SVIL: variants seen among roughly 807,000 people sequenced by gnomAD.
SVIL encodes supervillin.
A neutral mutation model predicts 240.4 loss-of-function variants in SVIL; 101 were observed. That is an observed-to-expected ratio of 0.42 (90% CI 0.36 to 0.50). SVIL has a LOEUF of 0.50. Ranked by LOEUF, SVIL falls within the 20% of genes least tolerant of loss-of-function variation. The probability of loss-of-function intolerance (pLI) is 0.01; values close to 1 mark genes in which losing one functional copy is unlikely to be tolerated. For synonymous variants in SVIL, 999 were observed against 1,100.0 expected, an observed-to-expected ratio of 0.91 and a Z score of 1.82; for missense variants, 2,512 against 2,818.7, an observed-to-expected ratio of 0.89 and a Z score of 2.46.
intron 2 of SVIL, among the ~76,000 whole-genome samples, chr10:29,668,500 G>A (rs1589481130): frequency 6.6e-6 from 1 of 152,228 alleles, no homozygotes; most frequent in East Asian, 1.9e-4. Flanking sequence ...TTGAGATGAA[G>A]TCTCACTCTG....
chr10:29,594,721 T>A (rs922400859), intron 1 of SVIL, among the ~76,000 whole-genome samples: 1 of 152,050 alleles, frequency 6.6e-6, no homozygotes, highest in Non-Finnish European at 1.5e-5. Context: ...CACACCCAGA[T>A]AATTTTTGTA....
chr10:29,655,571 A>AT (rs1359379395), intron 3 of SVIL, among the ~76,000 whole-genome samples: 2 of 152,168 alleles, frequency 1.3e-5, no homozygotes, highest in East Asian at 3.9e-4. Flanking sequence ...TCAAATGTCA[A>AT]TCTCCTCTGG....
chr10:29,656,909 C>G (rs1427363332), intron 3 of SVIL, among the ~76,000 whole-genome samples: 1 of 152,172 alleles, frequency 6.6e-6, no homozygotes, highest in Non-Finnish European at 1.5e-5. Flanking sequence ...TGTACATATT[C>G]TGATGACACT....
chr10:29,665,195 T>C (rs1243217232), intron 2 of SVIL, among the ~76,000 whole-genome samples: 3 of 123,144 alleles, frequency 2.4e-5, no homozygotes, highest in South Asian at 2.6e-4. Context: ...ACCACTGCAC[T>C]CCAGCCTGGG....
chr10:29,587,673 A>G (rs897834423), intron 1 of SVIL, among the ~76,000 whole-genome samples: 8 of 152,258 alleles, frequency 5.3e-5, no homozygotes, highest in Middle Eastern at 3.4e-3. Context: ...CCTTCTCCCA[A>G]CCTCATCAGA....
intron 17 of SVIL, among the ~76,000 whole-genome samples, chr10:29,499,738 G>T (rs148999063): frequency 1.3e-5 from 2 of 152,184 alleles, no homozygotes; most frequent in South Asian, 2.1e-4. Context: ...GACAGGGAAG[G>T]CTGGTTAGGA....
intron 21 of SVIL, among the ~76,000 whole-genome samples, chr10:29,492,092 C>T (rs1338549534): frequency 2.0e-5 from 3 of 152,086 alleles, no homozygotes; most frequent in Non-Finnish European, 2.9e-5. Context: ...AGCGTGTCTC[C>T]CTCTGCTTCT....
At chr10:29,481,131 A>AGGGT (rs1554815311) in intron 28 of SVIL, among the ~76,000 whole-genome samples, 1 of 88,666 alleles carries the variant, frequency 1.1e-5, no homozygotes, top group Admixed American at 1.2e-4. Context: ...CCTAGCTTTA[A>AGGGT]GGGTGTGTGT....
At chr10:29,627,010 C>A (rs1044207039) in intron 1 of SVIL, among the ~76,000 whole-genome samples, 4 of 150,778 alleles carry the variant, frequency 2.7e-5, no homozygotes, top group Admixed American at 2.0e-4. Flanking sequence ...GGAGACTGAG[C>A]GAGACTCCAT....
intron 1 of SVIL, among the ~76,000 whole-genome samples, chr10:29,601,220 T>C (rs764836476): frequency 1.3e-5 from 2 of 151,730 alleles, no homozygotes; most frequent in Non-Finnish European, 2.9e-5. Context: ...TGGATTTTTA[T>C]TTATTCACTT....
chr10:29,467,661 C>A, intron 33 of SVIL, 81 bp downstream of exon 33: 1 of 1,564,430 alleles, frequency 6.4e-7, no homozygotes, highest in Non-Finnish European at 8.7e-7. Context: ...CCACTATACT[C>A]CAGCCTGGAT....
At position 29,488,803 on chromosome 10, in the gene SVIL, G is replaced by A. The variant is rs769995961; in HGVS notation, c.4193-47C>T. ...ACACAACGCAGGAGGTTCAGTTACA[G>A]TGACAATATTTACAGTCAGAAATTA... is the stretch of plus-strand genomic sequence containing the variant. On this transcript the variant is annotated intron_variant, in intron 22 of 37. Transcript: ENST00000355867. 1.2e-5 allele frequency: 19 copies of A among 1,572,526 alleles called. No homozygotes were observed. In the Admixed American group the frequency reaches 2.9e-4, roughly 24 times the overall value.
intron 35 of SVIL, 91 bp from the exon 36 acceptor site, chr10:29,462,492 C>G: frequency 6.6e-7 from 1 of 1,516,118 alleles, no homozygotes. Flanking sequence ...TTTGCCAGAA[C>G]TCATGACTTC....
intron 1 of SVIL, among the ~76,000 whole-genome samples, chr10:29,713,786 T>C (rs1369091767): frequency 6.6e-6 from 1 of 152,244 alleles, no homozygotes; most frequent in Non-Finnish European, 1.5e-5. Flanking sequence ...GATACTCCAA[T>C]ATACTTGAAG....
intron 1 of SVIL, among the ~76,000 whole-genome samples, chr10:29,616,199 A>T (rs891889914): frequency 8.5e-5 from 13 of 152,096 alleles, no homozygotes; most frequent in African/African-American, 2.7e-4. Flanking sequence ...CACCTTGCCC[A>T]GCTAATTTTT....
At chr10:29,543,702 G>A (rs1403887763) in intron 6 of SVIL, among the ~76,000 whole-genome samples, 2 of 151,732 alleles carry the variant, frequency 1.3e-5, no homozygotes, top group Non-Finnish European at 2.9e-5. Flanking sequence ...CCTCTCCCCT[G>A]CCTCCTTTAG....
chr10:29,622,200 AGATCGCGCCACTGCACTCCAG>A (rs1957678559), intron 1 of SVIL, among the ~76,000 whole-genome samples: 1 of 141,532 alleles, frequency 7.1e-6, no homozygotes, highest in African/African-American at 2.6e-5. Context: ...CAGTGAGCCG[AGATCGCGCCACTGCACTCCAG>A]CCTGGGCGAC....
chr10:29,549,855 C>T (rs1266767309), intron 6 of SVIL, among the ~76,000 whole-genome samples: 25 of 112,400 alleles, frequency 2.2e-4, no homozygotes, highest in Admixed American at 1.0e-3. Context: ...GGGAACATCA[C>T]ACTCTGGGGA....
chr10:29,570,731 A>G (rs1657765791), intron 1 of SVIL, among the ~76,000 whole-genome samples: 1 of 152,248 alleles, frequency 6.6e-6, no homozygotes, highest in Non-Finnish European at 1.5e-5. Flanking sequence ...TTTTCCTACA[A>G]AAAGGTTTCA....
Sources: allele counts gnomAD v4.1 joint callset (sites outside exome capture counted in the v4.1 genomes callset), GRCh38; gene constraint gnomAD v4.1.1; transcripts MANE v1.5; gene names NCBI Gene and HGNC (gene_info 2026-07-23, HGNC 2026-07-21).